Variants in PCSK5 observed in about 807,000 individuals in gnomAD.
The protein encoded by PCSK5 is proprotein convertase subtilisin/kexin type 5.
Under a neutral mutation model 233.2 loss-of-function variants are expected in PCSK5, and 129 were observed. That is an observed-to-expected ratio of 0.55 (90% CI 0.48 to 0.64). The LOEUF is 0.64. PCSK5 is among the 30% of genes least tolerant of loss of function. PCSK5 has a pLI of 0.00. For synonymous variants in PCSK5, 825 were observed against 879.2 expected (o/e 0.94, Z 1.09); for missense variants, 2,076 against 2,430.1 (o/e 0.85, Z 3.06).
intron 24 of PCSK5, among the ~76,000 whole-genome samples, chr9:76,268,610 G>A (rs1010310935): frequency 5.9e-5 from 9 of 152,228 alleles, no homozygotes; most frequent in African/African-American, 2.2e-4. Context: ...TTGGGAGGCT[G>A]AGGTGGACAG....
intron 35 of PCSK5, among the ~76,000 whole-genome samples, chr9:76,345,922 G>A (rs1273174588): frequency 2.0e-5 from 3 of 151,938 alleles, no homozygotes; most frequent in Non-Finnish European, 4.4e-5. Flanking sequence ...GTTTCACCAT[G>A]TTGGCCAGGC....
intron 20 of PCSK5, among the ~76,000 whole-genome samples, chr9:76,197,556 G>A (rs11144790): frequency 0.13 from 19,561 of 152,082 alleles, 1,609 homozygotes; most frequent in Non-Finnish European, 0.18. Flanking sequence ...ATGTCATGCC[G>A]CTAAAATATA....
chr9:75,951,668 C>A (rs1454519346), intron 2 of PCSK5, among the ~76,000 whole-genome samples: 1 of 152,028 alleles, frequency 6.6e-6, no homozygotes. Context: ...TCCTTATCCA[C>A]AGATTCCCAC....
intron 8 of PCSK5, among the ~76,000 whole-genome samples, chr9:76,106,328 AT>A (rs1438907728): frequency 3.9e-5 from 6 of 152,228 alleles, no homozygotes; most frequent in Admixed American, 2.6e-4. Flanking sequence ...AAGAGGGAGG[AT>A]TTAAAAAATC....
intron 3 of PCSK5, among the ~76,000 whole-genome samples, chr9:76,004,524 TC>T (rs1827397339): frequency 6.6e-6 from 1 of 152,216 alleles, no homozygotes; most frequent in African/African-American, 2.4e-5. Flanking sequence ...TGTCAATTTT[TC>T]CCCAAGATTT....
At chr9:76,217,308 T>C (rs1206023913) in intron 20 of PCSK5, among the ~76,000 whole-genome samples, 1 of 152,214 alleles carries the variant, frequency 6.6e-6, no homozygotes, top group East Asian at 1.9e-4. Flanking sequence ...GAGTTGAGCG[T>C]TGAGTGTTTC....
chr9:76,308,200 A>G (rs1315719817), intron 28 of PCSK5, among the ~76,000 whole-genome samples: 1 of 151,654 alleles, frequency 6.6e-6, no homozygotes, highest in East Asian at 1.9e-4. Context: ...CTGTCTCAAA[A>G]AAGAAAAGAA....
chr9:76,265,907 T>G (rs1268356103), intron 24 of PCSK5, among the ~76,000 whole-genome samples: 1 of 152,138 alleles, frequency 6.6e-6, no homozygotes, highest in East Asian at 1.9e-4. Context: ...AAATAAAGAG[T>G]TTTAAAAATT....
intron 1 of PCSK5, among the ~76,000 whole-genome samples, chr9:75,908,773 A>G (rs1237516583): frequency 1.3e-5 from 2 of 151,984 alleles, no homozygotes; most frequent in Non-Finnish European, 1.5e-5. Context: ...TGAACCTTGT[A>G]TGCTTCTTTT....
At chr9:76,126,336 G>A (rs1310889274) in intron 9 of PCSK5, among the ~76,000 whole-genome samples, 4 of 152,184 alleles carry the variant, frequency 2.6e-5, no homozygotes, top group Non-Finnish European at 5.9e-5. Context: ...GAAATCAGCT[G>A]GGCGAGGTGG....
At chr9:76,350,654 T>A (rs941396156) in intron 35 of PCSK5, among the ~76,000 whole-genome samples, 174 bp from the exon 36 acceptor site, 2 of 152,266 alleles carry the variant, frequency 1.3e-5, no homozygotes, top group Non-Finnish European at 2.9e-5. Flanking sequence ...TAGATTGAAC[T>A]AATTGTATAA....
chr9:76,261,321 G>T (rs1435185962), intron 24 of PCSK5, among the ~76,000 whole-genome samples: 2 of 152,184 alleles, frequency 1.3e-5, no homozygotes, highest in Non-Finnish European at 2.9e-5. Flanking sequence ...AATAGGAAAA[G>T]AAGTCAAAGT....
intron 2 of PCSK5, among the ~76,000 whole-genome samples, chr9:75,974,382 G>A (rs865961119): frequency 1.7e-4 from 26 of 152,318 alleles, no homozygotes; most frequent in African/African-American, 5.8e-4. Context: ...TCTGAGGTGA[G>A]GGAATAGCAC....
intron 10 of PCSK5, among the ~76,000 whole-genome samples, chr9:76,136,403 A>G (rs1822979466): frequency 6.6e-6 from 1 of 152,166 alleles, no homozygotes; most frequent in Non-Finnish European, 1.5e-5. Context: ...TAACATCTGA[A>G]AGAACAATAA....
chr9:75,961,830 A>G (rs1262937505), intron 2 of PCSK5, among the ~76,000 whole-genome samples: 2 of 152,236 alleles, frequency 1.3e-5, no homozygotes, highest in Non-Finnish European at 2.9e-5. Context: ...TTGTTAAAAA[A>G]TCATCTCAAC....
chr9:76,030,394 A>G (rs1828604878), intron 5 of PCSK5, among the ~76,000 whole-genome samples: 1 of 152,202 alleles, frequency 6.6e-6, no homozygotes, highest in Non-Finnish European at 1.5e-5. Flanking sequence ...CAAGATAACA[A>G]TTATCTGTGG....
In PCSK5 at chr9:75,891,053, C is replaced by CGCCCGGGGCTGCGAGCTGCGGCG. The variant is rs767362812; in HGVS notation, c.-116_-94dup. 0.074 allele frequency: 54,658 copies of CGCCCGGGGCTGCGAGCTGCGGCG among 738,582 alleles called. 3,609 individuals are homozygous for CGCCCGGGGCTGCGAGCTGCGGCG. The highest frequency in any genetic ancestry group is 0.1 in the Admixed American group (2,384 of 23,114). 45.8% of individuals were successfully genotyped at this position (738,582 alleles called of 1,614,324 possible). On this transcript the variant is annotated 5_prime_UTR_variant, in exon 1 of 38. Coordinates refer to ENST00000674117, the MANE Select transcript of PCSK5 (RefSeq NM_001372043.1). ...CCGGGGCTAGCCGCCTCCTGCCGAT[C>CGCCCGGGGCTGCGAGCTGCGGCG]GCCCGGGGCTGCGAGCTGCGGCGGC...
intron 19 of PCSK5, 57 bp from the exon 20 acceptor site, chr9:76,189,574 C>A: frequency 9.5e-7 from 1 of 1,057,590 alleles, no homozygotes; most frequent in Non-Finnish European, 1.5e-6. Context: ...TGCTAGTAAA[C>A]ACACCTTCCC....
chr9:76,064,705 G>C (rs2131589582), intron 5 of PCSK5, among the ~76,000 whole-genome samples: 1 of 149,906 alleles, frequency 6.7e-6, no homozygotes, highest in South Asian at 2.2e-4. Flanking sequence ...GGGGCGGCCG[G>C]GCAGAGACGC....
Sources: gnomAD v4.1 joint callset for allele counts (sites outside exome capture counted in the v4.1 genomes callset) on GRCh38, gnomAD v4.1.1 for gene constraint, MANE v1.5 for transcripts, NCBI Gene and HGNC (gene_info 2026-07-23, HGNC 2026-07-21) for gene names.